Variants in RC3H2 observed in about 807,000 individuals in gnomAD.
The protein encoded by RC3H2 is roquin-2.
Under a neutral mutation model 133.3 loss-of-function variants are expected in RC3H2, and 31 were observed. That is an observed-to-expected ratio of 0.23 (90% CI 0.17 to 0.31). The LOEUF is 0.31. RC3H2 is among the 10% of genes least tolerant of loss of function. The pLI is 1.00. For synonymous variants in RC3H2, 517 were observed against 502.2 expected (o/e 1.03, Z -0.40); for missense variants, 1,175 against 1,437.2 (o/e 0.82, Z 2.95).
chr9:122,845,837 T>G lies in RC3H2; in HGVS notation c.*3790A>C, dbSNP rs1284372461. 1 of 152,160 alleles carries G rather than the reference T, an allele frequency of 6.6e-6. No individual in the cohort carries two copies. The highest frequency in any genetic ancestry group is 1.5e-5 in the Non-Finnish European group (1 of 68,012). The allele number at this position is 152,160 out of a possible 1,614,324, so 9.4% of individuals were successfully genotyped here. ...GATCCCATCAAGCCTCTTCATTCAC[T>G]AAAACAAAAGAAAAGTTCTTCCAGG... On this transcript the variant is annotated 3_prime_UTR_variant, in exon 21 of 21. Coordinates refer to ENST00000357244, the MANE Select transcript of RC3H2 (RefSeq NM_001100588.3).
intron 9 of RC3H2, among the ~76,000 whole-genome samples, chr9:122,871,270 C>T (rs1412475975): frequency 6.6e-6 from 1 of 152,054 alleles, no homozygotes; most frequent in Non-Finnish European, 1.5e-5. Flanking sequence ...TCGTGGGCAC[C>T]TTCTTTGACT....
Position 122,875,062 on chromosome 9 carries a change from T to C in RC3H2, c.1325+2409A>G. ...TAGCTAAAAAGCTCTATTTCAGGTA[T>C]GGACAAGCTGAATGTATTTCCTGGA... On this transcript the variant is annotated intron_variant, in intron 9 of 20. Coordinates refer to ENST00000357244, the MANE Select transcript of RC3H2 (RefSeq NM_001100588.3). 4 of 1,138,086 alleles carry C rather than the reference T, an allele frequency of 3.5e-6. No homozygotes were observed. The South Asian group carries it at 8.6e-5, about 25-fold the overall frequency. The allele number at this position is 1,138,086 out of a possible 1,614,324, so 70.5% of individuals were successfully genotyped here.
chr9:122,896,293 A>G (rs1832416820), intron 2 of RC3H2, among the ~76,000 whole-genome samples: 1 of 152,208 alleles, frequency 6.6e-6, no homozygotes, highest in Non-Finnish European at 1.5e-5. Context: ...ACATCCCTAC[A>G]TAGACCTTAT....
intron 9 of RC3H2, chr9:122,874,148 A>G (rs1831233094): frequency 6.6e-6 from 1 of 152,218 alleles, no homozygotes. Context: ...ACAATATGGA[A>G]TAAACAATAT....
chr9:122,855,797 A>G lies in RC3H2; in HGVS notation c.2536T>C (p.Ser846Pro), dbSNP rs961193446. ...YSPWSCGTIG[S>P]CINAIDSEPK... ...TCTGAATCAATGGCATTTATACAGG[A>G]GCCTATGGTGCCACAAGACCAGGGA... The change falls in exon 14 of 21, where the codon TCC becomes CCC. Residue 846 changes from serine to proline, a missense_variant. This residue lies in a region of RC3H2 where 138 missense variants were observed against 215.0 expected (regional missense o/e 0.64). Transcript: ENST00000357244. 10 of 1,613,706 alleles carry G rather than the reference A, an allele frequency of 6.2e-6. 1 individual carries two copies. Among genetic ancestry groups the G allele is most frequent in the African/African-American group, 1.3e-5 (1 of 74,932 alleles).
intron 13 of RC3H2, among the ~76,000 whole-genome samples, chr9:122,857,026 T>C (rs1011550841): frequency 6.6e-6 from 1 of 152,178 alleles, no homozygotes; most frequent in Non-Finnish European, 1.5e-5. Context: ...CAATGCTTTA[T>C]TGAAATATTT....
chr9:122,850,607 T>A (rs1317726253), intron 20 of RC3H2, among the ~76,000 whole-genome samples: 1 of 151,840 alleles, frequency 6.6e-6, no homozygotes, highest in African/African-American at 2.4e-5. Flanking sequence ...TATGCCCAGC[T>A]AATTTTTTTG....
At chr9:122,884,531 T>A (rs1208622213) in intron 4 of RC3H2, among the ~76,000 whole-genome samples, 2 of 152,106 alleles carry the variant, frequency 1.3e-5, no homozygotes, top group African/African-American at 2.4e-5. Context: ...AGTTAATCAT[T>A]GGAGAACATC....
intron 10 of RC3H2, among the ~76,000 whole-genome samples, chr9:122,860,529 T>C (rs182753754): frequency 6.7e-6 from 1 of 149,774 alleles, no homozygotes; most frequent in East Asian, 2.0e-4. Context: ...TCCTCCCACC[T>C]CAGCCTCCCA....
At chr9:122,868,192 T>C (rs1182820291) in intron 9 of RC3H2, among the ~76,000 whole-genome samples, 3 of 151,538 alleles carry the variant, frequency 2.0e-5, no homozygotes, top group Non-Finnish European at 4.4e-5. Flanking sequence ...CCGCCCCTAC[T>C]GGGAAGTGAG....
At position 122,865,596 on chromosome 9, in the gene RC3H2, C is replaced by T. The variant is rs374296708; in HGVS notation, c.1387G>A (p.Val463Ile). ...TVRTFPLLNKVGVNNTVTTTA... is the reference protein window; with the variant it reads ...TVRTFPLLNKIGVNNTVTTTA... ...GTTGTGACAGTGTTGTTTACACCAACTTTATTTAGAAGAGGAAACGTTCTT... is the reference window on the plus strand; with the variant it reads ...GTTGTGACAGTGTTGTTTACACCAATTTTATTTAGAAGAGGAAACGTTCTT... Residue 463 changes from valine (V) to isoleucine (I), a missense_variant, in exon 10 of 21, where the codon GTT becomes ATT. By Grantham distance (29) the Val-to-Ile change is conservative (BLOSUM62 3). Transcript: ENST00000357244. 6.2e-7 allele frequency: 1 copy of T among 1,614,112 alleles called. No individual in the cohort carries two copies. The highest frequency in any genetic ancestry group is 8.5e-7 in the Non-Finnish European group (1 of 1,180,034).
intron 9 of RC3H2, among the ~76,000 whole-genome samples, chr9:122,870,023 A>G (rs868384070): frequency 6.6e-6 from 1 of 152,124 alleles, no homozygotes; most frequent in African/African-American, 2.4e-5. Context: ...TACTCTCATT[A>G]TTCTTTTCCT....
chr9:122,855,739 A>G lies in RC3H2; in HGVS notation c.2594T>C (p.Val865Ala). Reference protein sequence around the residue: ...PKDVIANSNAVLMDLDSGDVK... With the variant: ...PKDVIANSNAALMDLDSGDVK... ...ACCCCAGCAAAATCATACCATTAAC[A>G]CAGCATTTGAATTAGCAATGACATC... Residue 865 changes from valine (V) to alanine (A), a missense_variant, in exon 14 of 21, where the codon GTG becomes GCG. Physicochemically the swap from Val to Ala is moderately conservative, Grantham distance 64. This residue lies in a region of RC3H2 where 138 missense variants were observed against 215.0 expected (regional missense o/e 0.64). Coordinates refer to ENST00000357244, the MANE Select transcript of RC3H2 (RefSeq NM_001100588.3). 1 of 1,612,542 alleles carries G rather than the reference A, an allele frequency of 6.2e-7. No individual in the cohort carries two copies. Among genetic ancestry groups the G allele is most frequent in the Non-Finnish European group, 8.5e-7 (1 of 1,179,312 alleles).
intron 18 of RC3H2, 21 bp from the exon 19 acceptor site, chr9:122,851,457 G>A (rs1588047688): frequency 6.2e-7 from 1 of 1,611,588 alleles, no homozygotes; most frequent in Non-Finnish European, 8.5e-7. Flanking sequence ...TACTGATTTT[G>A]CTCTCCCTCT....
chr9:122,868,916 G>C (rs150045144), intron 9 of RC3H2, among the ~76,000 whole-genome samples: 2 of 96,326 alleles, frequency 2.1e-5, no homozygotes, highest in Non-Finnish European at 3.8e-5. Flanking sequence ...TTTTTTTTGT[G>C]GGGGGGTTAA....
intron 12 of RC3H2, among the ~76,000 whole-genome samples, chr9:122,858,448 C>A (rs1243085501): frequency 6.6e-6 from 1 of 152,176 alleles, no homozygotes; most frequent in African/African-American, 2.4e-5. Flanking sequence ...AGGCCCAGTT[C>A]TAAGAGGTTT....
At chr9:122,903,048 C>CAA (rs1832716343) in intron 1 of RC3H2, among the ~76,000 whole-genome samples, 1 of 152,096 alleles carries the variant, frequency 6.6e-6, no homozygotes, top group South Asian at 2.1e-4. Context: ...AGCCACATTT[C>CAA]AAATCTTCAA....
At chr9:122,903,826 C>G (rs781521395) in intron 1 of RC3H2, among the ~76,000 whole-genome samples, 1 of 152,090 alleles carries the variant, frequency 6.6e-6, no homozygotes, top group Non-Finnish European at 1.5e-5. Context: ...AAAAATTGAA[C>G]GTGGAAGTAA....
intron 10 of RC3H2, among the ~76,000 whole-genome samples, chr9:122,864,875 C>T (rs1048874198): frequency 6.6e-6 from 1 of 152,034 alleles, no homozygotes; most frequent in Non-Finnish European, 1.5e-5. Context: ...CTGCATGCCT[C>T]AGCCTCCAAA....
Sources: gnomAD v4.1 joint callset for allele counts (sites outside exome capture counted in the v4.1 genomes callset) on GRCh38, gnomAD v4.1.1 for gene constraint, gnomAD v4.1.1 regional missense constraint, MANE v1.5 for transcripts, NCBI Gene and HGNC (gene_info 2026-07-23, HGNC 2026-07-21) for gene names.